The following WDPCP variants were observed in gnomAD, a reference collection of about 807,000 sequenced individuals.
The protein encoded by WDPCP is WD repeat-containing and planar cell polarity effector protein fritz homolog.
WDPCP carries 71 observed loss-of-function variants against 93.1 expected under a neutral mutation model. The observed-to-expected ratio is 0.76, with a 90% CI of 0.63 to 0.93. The LOEUF is 0.93. WDPCP is among the 40% of genes least tolerant of loss of function. The pLI, the probability that WDPCP is intolerant of heterozygous loss-of-function variation, is 0.00. For synonymous variants in WDPCP, 315 were observed against 315.0 expected (o/e 1.00, Z 0.00); for missense variants, 844 against 887.4 (o/e 0.95, Z 0.62).
At chr2:63,371,749 TAG>T (rs1691412997) in intron 12 of WDPCP, among the ~76,000 whole-genome samples, 1 of 152,130 alleles carries the variant, frequency 6.6e-6, no homozygotes, top group Non-Finnish European at 1.5e-5. Context: ...AGGCTAAGGC[TAG>T]GATGAGATGA....
At chr2:63,799,191 A>G (rs1670659607) in intron 2 of WDPCP, among the ~76,000 whole-genome samples, 1 of 152,198 alleles carries the variant, frequency 6.6e-6, no homozygotes, top group Non-Finnish European at 1.5e-5. Context: ...ATGTTGTTCA[A>G]AGTGAACAGT....
chr2:63,180,273 G>A (rs1418968109), intron 14 of WDPCP, among the ~76,000 whole-genome samples: 1 of 152,018 alleles, frequency 6.6e-6, no homozygotes, highest in African/African-American at 2.4e-5. Flanking sequence ...GGTAAAGTCT[G>A]GCCATTTAGT....
intron 14 of WDPCP, among the ~76,000 whole-genome samples, chr2:63,176,692 T>G (rs763773356): frequency 2.6e-5 from 4 of 152,222 alleles, no homozygotes; most frequent in Non-Finnish European, 5.9e-5. Flanking sequence ...CCTTAGGCTG[T>G]CTGTTCACTT....
At chr2:63,783,748 C>T (rs1359262720) in intron 2 of WDPCP, among the ~76,000 whole-genome samples, 2 of 152,114 alleles carry the variant, frequency 1.3e-5, no homozygotes. Context: ...TGTGGAATGA[C>T]AGACATTGGT....
chr2:63,440,416 T>C (rs1318590866), intron 6 of WDPCP: 1 of 152,224 alleles, frequency 6.6e-6, no homozygotes, highest in Non-Finnish European at 1.5e-5. Flanking sequence ...TCAAGGCAAT[T>C]AAGTAAAATG....
intron 14 of WDPCP, among the ~76,000 whole-genome samples, chr2:63,240,461 A>G (rs1011308471): frequency 3.9e-5 from 6 of 152,176 alleles, no homozygotes; most frequent in African/African-American, 1.4e-4. Context: ...TACAGGCATG[A>G]ACCACCATGA....
chr2:63,713,874 A>G (rs548772445), intron 2 of WDPCP, among the ~76,000 whole-genome samples: 2 of 152,296 alleles, frequency 1.3e-5, no homozygotes, highest in South Asian at 4.1e-4. Flanking sequence ...TCAGAGAAAC[A>G]ACATGGCAAA....
At chr2:63,402,951 T>G (rs539207237) in intron 10 of WDPCP, among the ~76,000 whole-genome samples, 27 of 152,294 alleles carry the variant, frequency 1.8e-4, no homozygotes, top group Middle Eastern at 3.4e-3. Flanking sequence ...GGAATATAAA[T>G]CATTCTGCCA....
At chr2:63,595,814 T>TAC (rs1037239612) in intron 3 of WDPCP, among the ~76,000 whole-genome samples, 5 of 152,180 alleles carry the variant, frequency 3.3e-5, no homozygotes, top group East Asian at 3.9e-4. Context: ...TGAAATTGTC[T>TAC]ACACACACAC....
intron 15 of WDPCP, among the ~76,000 whole-genome samples, chr2:63,172,340 T>C (rs539476504): frequency 6.6e-6 from 1 of 152,206 alleles, no homozygotes; most frequent in East Asian, 1.9e-4. Flanking sequence ...ACCCTGTTTC[T>C]ACAGAAAAAA....
At chr2:63,421,087 A>C (rs974025187) in intron 9 of WDPCP, among the ~76,000 whole-genome samples, 25 of 152,312 alleles carry the variant, frequency 1.6e-4, no homozygotes, top group African/African-American at 5.8e-4. Flanking sequence ...ATTGCTCTAC[A>C]TCTTTACTTA....
chr2:63,437,829 CTATAAAGG>C (rs751233349), intron 7 of WDPCP: 6 of 1,586,786 alleles, frequency 3.8e-6, no homozygotes, highest in Non-Finnish European at 5.2e-6. Context: ...AGAAACAGGG[CTATAAAGG>C]TATTTTTAAA....
chr2:63,752,208 TGC>T, intron 2 of WDPCP: 2 of 668,814 alleles, frequency 3.0e-6, no homozygotes, highest in African/African-American at 1.8e-5. Flanking sequence ...TTTTTTTTTT[TGC>T]CACTGCCTCA....
intron 3 of WDPCP, among the ~76,000 whole-genome samples, chr2:63,630,481 G>A (rs1240063638): frequency 6.6e-6 from 1 of 152,052 alleles, no homozygotes; most frequent in Non-Finnish European, 1.5e-5. Flanking sequence ...AAGCAAGTGT[G>A]TCTATATTAA....
intron 3 of WDPCP, among the ~76,000 whole-genome samples, chr2:63,614,030 T>C (rs1045528248): frequency 1.6e-4 from 24 of 152,190 alleles, no homozygotes; most frequent in Admixed American, 1.1e-3. Flanking sequence ...TTTATTTACA[T>C]AATATAAGAA....
In WDPCP at chr2:63,586,293, T is replaced by A. The variant is rs186276385; in HGVS notation, c.75+1904A>T. ...ATGGTATTTCAAACATTTTCTACAA[T>A]TTGAATTAAATATTACCTTACTAAA... On this transcript the variant is annotated intron_variant, in intron 1 of 17. Transcript: ENST00000272321. Among the ~76,000 whole-genome samples, 48 of 152,338 alleles carry A rather than the reference T, an allele frequency of 3.2e-4. No homozygotes were observed. In the East Asian group the frequency reaches 9.0e-3, roughly 29 times the overall value.
chr2:63,472,541 G>T (rs2105829420), intron 6 of WDPCP, among the ~76,000 whole-genome samples: 1 of 151,902 alleles, frequency 6.6e-6, no homozygotes, highest in South Asian at 2.1e-4. Flanking sequence ...ACGCTGTCAT[G>T]TTCTTGCAAG....
chr2:63,472,573 A>G (rs1699756203), intron 6 of WDPCP, among the ~76,000 whole-genome samples: 1 of 151,282 alleles, frequency 6.6e-6, no homozygotes, highest in African/African-American at 2.4e-5. Flanking sequence ...CTTTTTCCTG[A>G]TTATTACTTT....
intron 17 of WDPCP, among the ~76,000 whole-genome samples, chr2:63,129,691 T>C (rs1391925895): frequency 6.6e-6 from 1 of 152,208 alleles, no homozygotes; most frequent in African/African-American, 2.4e-5. Context: ...TTATTATATA[T>C]GTGATTTGCA....
Sources: allele counts gnomAD v4.1 joint callset (sites outside exome capture counted in the v4.1 genomes callset), GRCh38; gene constraint gnomAD v4.1.1; transcripts MANE v1.5; gene names NCBI Gene and HGNC (gene_info 2026-07-23, HGNC 2026-07-21).